The following IRAG2 variants were observed in gnomAD, a reference collection of about 807,000 sequenced individuals.
IRAG2 encodes lymphoid restricted membrane protein.
Under a neutral mutation model 69.9 loss-of-function variants are expected in IRAG2, and 45 were observed. The ratio of observed to expected loss-of-function variants is 0.64; its 90% CI spans 0.51 to 0.83. The LOEUF (loss-of-function observed/expected upper bound fraction) is 0.83, where lower values mean the gene tolerates loss of function less well. Ranked by LOEUF, IRAG2 falls within the 40% of genes least tolerant of loss-of-function variation. The probability of loss-of-function intolerance (pLI) is 0.00; values close to 1 mark genes in which losing one functional copy is unlikely to be tolerated. For missense variants in IRAG2, 520 were observed against 587.0 expected (o/e 0.89, Z 1.18); for synonymous variants, 193 against 202.4 (o/e 0.95, Z 0.40).
intron 11 of IRAG2, 63 bp downstream of exon 11, chr12:25,088,220 G>A: frequency 1.5e-6 from 2 of 1,342,646 alleles, no homozygotes; most frequent in Non-Finnish European, 2.1e-6. Context: ...TTTTGTGGGT[G>A]AAATCTGTCT....
rs1028324582 is a variant in IRAG2 at position 25,076,198 on chromosome 12, C to T, written c.25-3046C>T. 2.0e-5 allele frequency among the ~76,000 whole-genome samples: 3 copies of T among 152,156 alleles called. No individual in the cohort carries two copies. In the South Asian group the frequency reaches 6.2e-4, roughly 32 times the overall value. On this transcript the variant is annotated intron_variant, in intron 6 of 21. Coordinates refer to ENST00000556887, the MANE Select transcript of IRAG2 (RefSeq NM_001366544.2). ...TGTATATTGGGTTGTTTTCTGATTA[C>T]TGACTTTTACAAAGATGAGTGCTTT... is the stretch of plus-strand genomic sequence containing the variant.
chr12:25,071,979 G>A (rs561359937), intron 6 of IRAG2, among the ~76,000 whole-genome samples: 18 of 152,196 alleles, frequency 1.2e-4, no homozygotes, highest in African/African-American at 3.9e-4. Context: ...CGAGGCAGGT[G>A]GATCACCTGA....
intron 15 of IRAG2, among the ~76,000 whole-genome samples, chr12:25,097,939 T>C (rs1393452984): frequency 6.6e-6 from 1 of 152,222 alleles, no homozygotes; most frequent in Non-Finnish European, 1.5e-5. Context: ...ATTTTCAGTT[T>C]TAGGTATTAT....
At chr12:25,106,756 T>G (rs1426714842) in intron 20 of IRAG2, among the ~76,000 whole-genome samples, 187 bp from the exon 21 acceptor site, 1 of 151,818 alleles carries the variant, frequency 6.6e-6, no homozygotes, top group Non-Finnish European at 1.5e-5. Flanking sequence ...TTAATTAAAT[T>G]TCTATAAAAG....
At chr12:25,104,757 A>G (rs1948939520) in intron 20 of IRAG2, among the ~76,000 whole-genome samples, 2 of 152,132 alleles carry the variant, frequency 1.3e-5, no homozygotes, top group Non-Finnish European at 2.9e-5. Flanking sequence ...TACAATGGGG[A>G]AAGGTCAATA....
intron 5 of IRAG2, among the ~76,000 whole-genome samples, chr12:25,068,640 G>A (rs11047806): frequency 0.1 from 15,728 of 151,994 alleles, 1,104 homozygotes; most frequent in Admixed American, 0.17. Flanking sequence ...GAGATACCGC[G>A]TTAGAACAGA....
exon 7 of IRAG2, chr12:25,020,811 A>C: frequency 8.1e-7 from 1 of 1,231,804 alleles, no homozygotes. Context: ...CTATTATGAG[A>C]ACAAATCTGT....
At chr12:25,087,596 G>A (rs1409727266) in intron 10 of IRAG2, among the ~76,000 whole-genome samples, 1 of 152,058 alleles carries the variant, frequency 6.6e-6, no homozygotes, top group Non-Finnish European at 1.5e-5. Flanking sequence ...GCTTCAACTA[G>A]ATTGGAAGCG....
chr12:25,030,207 A>G, intron 9 of IRAG2: 1 of 999,694 alleles, frequency 1.0e-6, no homozygotes, highest in African/African-American at 1.7e-5. Flanking sequence ...TCTTACTGGA[A>G]TGATTTTATG....
upstream of IRAG2, among the ~76,000 whole-genome samples, chr12:25,003,069 G>A (rs147804727): frequency 1.1e-4 from 16 of 152,144 alleles, no homozygotes; most frequent in African/African-American, 3.9e-4. Flanking sequence ...AGAACTGGTG[G>A]TCCTCATATT....
intron 9 of IRAG2, among the ~76,000 whole-genome samples, chr12:25,027,359 C>A (rs918192983): frequency 6.6e-6 from 1 of 150,568 alleles, no homozygotes; most frequent in Non-Finnish European, 1.5e-5. Flanking sequence ...TTTTAAGGTT[C>A]ATCCATGATA....
chr12:25,025,268 TATGAAG>T (rs940627023), intron 8 of IRAG2, among the ~76,000 whole-genome samples: 5 of 152,174 alleles, frequency 3.3e-5, no homozygotes, highest in Admixed American at 2.0e-4. Flanking sequence ...AAAGCAGCCT[TATGAAG>T]CTAATCCTTT....
intron 21 of IRAG2, 111 bp from the exon 22 acceptor site, chr12:25,107,706 G>A: frequency 1.0e-6 from 1 of 967,162 alleles, no homozygotes; most frequent in Non-Finnish European, 1.6e-6. Flanking sequence ...TAGATTAAAA[G>A]GCAGTTTTGG....
intron 1 of IRAG2, among the ~76,000 whole-genome samples, chr12:25,054,501 C>T (rs1945101141): frequency 6.6e-6 from 1 of 152,054 alleles, no homozygotes; most frequent in African/African-American, 2.4e-5. Context: ...AATAACTTAC[C>T]CCAAAGTGCA....
chr12:25,015,834 G>C lies in IRAG2; in HGVS notation c.1055+406G>C, dbSNP rs191400010. On this transcript the variant is annotated intron_variant, in intron 5 of 38. Transcript: ENST00000636465. ...GTTTTCCACGACATGTGTAAGTTTT[G>C]GGTATTAAGGAGAGTGATTCTGCCT... 1.2e-3 allele frequency among the ~76,000 whole-genome samples: 182 copies of C among 152,310 alleles called. 1 individual carries two copies. Among genetic ancestry groups the C allele is most frequent in the African/African-American group, 4.3e-3 (178 of 41,574 alleles).
chr12:25,088,090 A>G lies in IRAG2; in HGVS notation c.316-10A>G, dbSNP rs760846052. The G allele has an allele frequency of 6.2e-7, 1 of 1,600,342 alleles. No homozygotes were observed. Among genetic ancestry groups the G allele is most frequent in the Non-Finnish European group, 8.6e-7 (1 of 1,167,442 alleles). ...ACTCTATGTACAGTGGTAAAATCTT[A>G]TGATTTTAGGAAGCCAAAGAGGAAC... On this transcript the variant is annotated splice_polypyrimidine_tract_variant and intron_variant, in intron 10 of 21. Transcript: ENST00000556887.
chr12:25,046,725 A>T (rs1185034420), intron 16 of IRAG2, among the ~76,000 whole-genome samples: 2 of 152,196 alleles, frequency 1.3e-5, no homozygotes, highest in African/African-American at 4.8e-5. Context: ...ATTGGAAGAG[A>T]TCATGTTGTT....
At chr12:25,100,378 A>G (rs1948688116) in intron 15 of IRAG2, among the ~76,000 whole-genome samples, 1 of 152,152 alleles carries the variant, frequency 6.6e-6, no homozygotes, top group Admixed American at 6.5e-5. Context: ...TGACTCAGCA[A>G]TTTCATTCCT....
At chr12:25,021,047 T>C in intron 7 of IRAG2, 2 of 407,390 alleles carry the variant, frequency 4.9e-6, no homozygotes, top group Non-Finnish European at 4.2e-6. Context: ...TAAAGGCAGG[T>C]AGGATTTTTT....
Sources: allele counts gnomAD v4.1 joint callset (sites outside exome capture counted in the v4.1 genomes callset), GRCh38; gene constraint gnomAD v4.1.1; transcripts MANE v1.5; gene names NCBI Gene and HGNC (gene_info 2026-07-23, HGNC 2026-07-21).